Variants in CRBN observed in about 807,000 individuals in gnomAD.
CRBN encodes the protein protein cereblon.
Under a neutral mutation model 62.2 loss-of-function variants are expected in CRBN, and 53 were observed. The ratio of observed to expected loss-of-function variants is 0.85; its 90% CI spans 0.68 to 1.07. The LOEUF (loss-of-function observed/expected upper bound fraction) is 1.07, where lower values mean the gene tolerates loss of function less well. CRBN is among the 50% of genes least tolerant of loss of function. The pLI is 0.00. For synonymous variants in CRBN, 208 were observed against 176.1 expected, an observed-to-expected ratio of 1.18 and a Z score of -1.43; for missense variants, 616 against 531.1, an observed-to-expected ratio of 1.16 and a Z score of -1.57.
rs532040324 is a variant in CRBN, at chr3:3,169,368, A to G, written c.528-1575T>C. Among the ~76,000 whole-genome samples the G allele has an allele frequency of 2.4e-3, 368 of 152,342 alleles. 2 individuals are homozygous for G. The highest frequency in any genetic ancestry group is 0.011 in the South Asian group (53 of 4,832). ...TTGTGATTACAGCAACATAATTTAT[A>G]TAAATGTTATAAAAACCAGTGAAAT... is the stretch of plus-strand genomic sequence containing the variant. On this transcript the variant is annotated intron_variant, in intron 4 of 10. Transcript: ENST00000231948.
intron 4 of CRBN, chr3:3,172,368 G>A (rs1422764007): frequency 3.0e-5 from 6 of 203,018 alleles, no homozygotes; most frequent in Admixed American, 2.1e-4. Context: ...GTGAGCACAC[G>A]AACAGCTCAC....
At chr3:3,179,530 C>T (rs1287631299) in intron 1 of CRBN, 91 bp downstream of exon 1, 8 of 1,308,918 alleles carry the variant, frequency 6.1e-6, no homozygotes, top group African/African-American at 1.5e-5. Context: ...GGCTTGGCGC[C>T]CCCACGCCCG....
chr3:3,169,936 C>T (rs711614), intron 4 of CRBN, among the ~76,000 whole-genome samples: 7 of 151,464 alleles, frequency 4.6e-5, no homozygotes, highest in East Asian at 3.9e-4. Flanking sequence ...GCCCACCCCC[C>T]CTCCGCCCTC....
rs1706757506 is a variant in CRBN, at chr3:3,153,999, A to C, written c.912T>G (p.Ala304=). Residue 304 remains alanine (A), a synonymous_variant, in exon 8 of 11, where the codon GCT becomes GCG. Coordinates refer to ENST00000231948, the MANE Select transcript of CRBN (RefSeq NM_016302.4). The stretch of plus-strand genomic sequence containing the variant: ...CTAATTCACAGCGAAGTCGCTGGAT[A>C]GCACTGCCAATTTTAAGGAGCTGAA... ...LRIQLLKIGS[A]IQRLRCELDI... 1 of 1,612,906 alleles carries C rather than the reference A, an allele frequency of 6.2e-7. No homozygotes were observed. The highest frequency in any genetic ancestry group is 1.7e-5 in the Admixed American group (1 of 60,000).
In CRBN at chr3:3,150,660, G is replaced by C; in HGVS notation, c.*205C>G. Reference sequence around the variant, plus strand: ...CCAAGTAGATGTTTCTGGTATTCTAGACTGCCGTTCATGCTTGTTTCCTAA... The same window carrying C: ...CCAAGTAGATGTTTCTGGTATTCTACACTGCCGTTCATGCTTGTTTCCTAA... On this transcript the variant is annotated 3_prime_UTR_variant, in exon 11 of 11. Coordinates refer to ENST00000231948, the MANE Select transcript of CRBN (RefSeq NM_016302.4). 1.9e-6 allele frequency: 1 copy of C among 518,316 alleles called. No individual in the cohort carries two copies. Among genetic ancestry groups the C allele is most frequent in the Non-Finnish European group, 3.5e-6 (1 of 288,730 alleles). The allele number at this position is 518,316 out of a possible 1,614,324, so 32.1% of individuals were successfully genotyped here. A position where few individuals can be genotyped will look rare whatever the true frequency, so the allele number is the denominator to read the frequency against.
rs1198393394 is a variant in CRBN, at chr3:3,152,528, G to GTC, written c.1074_1075dup (p.Thr359ArgfsTer11). ...GTTGCAAGCCTTATACACAGTAAGT[G>GTC]TCTCATGCACATATCCATGAGGATT... On this transcript the variant is annotated frameshift_variant, in exon 10 of 11. Transcript: ENST00000231948. LOFTEE classifies it high-confidence loss of function. 1 of 1,613,682 alleles carries GTC rather than the reference G, an allele frequency of 6.2e-7. No homozygotes were observed.
At chr3:3,179,104 G>A (rs1392152168) in intron 1 of CRBN, among the ~76,000 whole-genome samples, 1 of 152,188 alleles carries the variant, frequency 6.6e-6, no homozygotes, top group Non-Finnish European at 1.5e-5. Context: ...CCTTGGGCAA[G>A]TCATTGAACT....
At chr3:3,175,695 G>A (rs1707802752) in intron 1 of CRBN, among the ~76,000 whole-genome samples, 1 of 152,020 alleles carries the variant, frequency 6.6e-6, no homozygotes, top group African/African-American at 2.4e-5. Context: ...TTTACATTTA[G>A]TTATCAGGTC....
At chr3:3,151,940 G>A (rs987053425) in intron 10 of CRBN, among the ~76,000 whole-genome samples, 1 of 152,124 alleles carries the variant, frequency 6.6e-6, no homozygotes, top group African/African-American at 2.4e-5. Context: ...ACAGAATATG[G>A]TCCAGATATA....
At position 3,173,250 on chromosome 3, in the gene CRBN, G is replaced by GT. The variant is rs202161073; in HGVS notation, c.378-326dup. ...TTTTTGTATTTTTAGTAGAGACGGG[G>GT]TTTCACCATGTTGGTCAGGCTGGTC... is the stretch of plus-strand genomic sequence containing the variant. On this transcript the variant is annotated intron_variant, in intron 3 of 10. Transcript: ENST00000231948. 9.2e-3 allele frequency among the ~76,000 whole-genome samples: 1,393 copies of GT among 152,096 alleles called. 12 individuals carry two copies. Among genetic ancestry groups the GT allele is most frequent in the Admixed American group, 0.015 (222 of 15,266 alleles).
intron 6 of CRBN, chr3:3,155,039 A>T: frequency 1.7e-6 from 1 of 586,660 alleles, no homozygotes; most frequent in Non-Finnish European, 3.0e-6. Flanking sequence ...GCCTTTTCTC[A>T]CTCACTGTCT....
At chr3:3,162,466 G>A (rs540852946) in intron 5 of CRBN, among the ~76,000 whole-genome samples, 28 of 152,236 alleles carry the variant, frequency 1.8e-4, no homozygotes, top group Non-Finnish European at 3.7e-4. Flanking sequence ...GATGGAGTGG[G>A]TTTTGAAAGT....
intron 10 of CRBN, 61 bp downstream of exon 10, chr3:3,152,395 A>G (rs1706628152): frequency 1.2e-5 from 18 of 1,548,256 alleles, no homozygotes; most frequent in Non-Finnish European, 1.6e-5. Context: ...AGGACTCTGG[A>G]TTTTTCTGCC....
chr3:3,171,235 T>C (rs183385633), intron 4 of CRBN, among the ~76,000 whole-genome samples: 88 of 152,340 alleles, frequency 5.8e-4, no homozygotes, highest in Non-Finnish European at 1.2e-3. Context: ...GTCTGAGAAA[T>C]ATACTTTTCC....
At chr3:3,165,193 A>G (rs558785771) in intron 5 of CRBN, among the ~76,000 whole-genome samples, 1 of 152,324 alleles carries the variant, frequency 6.6e-6, no homozygotes, top group African/African-American at 2.4e-5. Flanking sequence ...GGATGAGCAA[A>G]TAAAGTGGTT....
intron 6 of CRBN, chr3:3,155,796 G>A (rs1364556405): frequency 6.3e-6 from 1 of 159,968 alleles, no homozygotes; most frequent in Non-Finnish European, 1.4e-5. Flanking sequence ...AAACTCTAAA[G>A]AGTCTTGTGA....
chr3:3,162,059 T>G (rs956015896), intron 5 of CRBN, among the ~76,000 whole-genome samples: 3 of 152,224 alleles, frequency 2.0e-5, no homozygotes, highest in African/African-American at 7.2e-5. Flanking sequence ...CCCTTCCAAA[T>G]TCATGCTCAG....
intron 5 of CRBN, among the ~76,000 whole-genome samples, chr3:3,167,146 T>C (rs1045263045): frequency 6.6e-6 from 1 of 152,136 alleles, no homozygotes; most frequent in Non-Finnish European, 1.5e-5. Context: ...GCAACATTTT[T>C]AAAGAGCACC....
At chr3:3,170,932 A>G (rs900511183) in intron 4 of CRBN, among the ~76,000 whole-genome samples, 2 of 152,030 alleles carry the variant, frequency 1.3e-5, no homozygotes, top group Non-Finnish European at 2.9e-5. Flanking sequence ...CAGCCTCCCT[A>G]GTAGCTGGGA....
Sources: gnomAD v4.1 joint callset for allele counts (sites outside exome capture counted in the v4.1 genomes callset) on GRCh38, gnomAD v4.1.1 for gene constraint, MANE v1.5 for transcripts, NCBI Gene and HGNC (gene_info 2026-07-23, HGNC 2026-07-21) for gene names.